Variants in ADGRB1 observed in about 807,000 individuals in gnomAD.
ADGRB1 encodes the protein brain-specific angiogenesis inhibitor 1.
A neutral mutation model predicts 175.7 loss-of-function variants in ADGRB1; 36 were observed. That is an observed-to-expected ratio of 0.20 (90% CI 0.16 to 0.27). The LOEUF (loss-of-function observed/expected upper bound fraction) is 0.27. Among genes scored for constraint, ADGRB1 ranks in the 10% least tolerant of loss-of-function variants. The pLI is 1.00. For synonymous variants in ADGRB1, 1,054 were observed against 979.4 expected (o/e 1.08, Z -1.42); for missense variants, 1,731 against 2,255.3 (o/e 0.77, Z 4.71).
At chr8:142,526,517 A>ACCCCCCCCCCCC in intron 23 of ADGRB1, 25 bp from the exon 24 acceptor site, 1 of 732,980 alleles carries the variant, frequency 1.4e-6, no homozygotes, top group South Asian at 1.7e-5. Flanking sequence ...CCACCCCCAC[A>ACCCCCCCCCCCC]CCCCCACCAC....
rs1186866327 is a variant in ADGRB1, at chr8:142,543,013, ATGT to A, written c.4413+371_4413+373del. 3.3e-5 allele frequency among the ~76,000 whole-genome samples: 5 copies of A among 152,034 alleles called. No individual in the cohort carries two copies. Among genetic ancestry groups the A allele is most frequent in the Non-Finnish European group, 7.4e-5 (5 of 67,972 alleles). Reference sequence around the variant, plus strand: ...GACCCAGCCTCAGTCAGCCTGTAGGATGTTGTTTTTGGGGGAGCCCGTCCCCAC... The same window carrying A: ...GACCCAGCCTCAGTCAGCCTGTAGGATGTTTTTGGGGGAGCCCGTCCCCAC... On this transcript the variant is annotated intron_variant, in intron 28 of 30. Transcript: ENST00000517894. This position sits in a 1 kb window ranked among gnomAD's most constrained non-coding sequence, Gnocchi z 4.4.
At position 142,542,558 on chromosome 8, in the gene ADGRB1, C is replaced by A; in HGVS notation, c.4324C>A (p.Pro1442Thr). The A allele has an allele frequency of 7.9e-6, 12 of 1,517,218 alleles. No homozygotes were observed. Among genetic ancestry groups the A allele is most frequent in the Non-Finnish European group, 9.7e-6 (11 of 1,131,284 alleles). The allele number at this position is 1,517,218 out of a possible 1,614,324, so 94.0% of individuals were successfully genotyped here. Reference protein sequence around the residue: ...LEPAPPSLGDPGEPAAHPGPS... With the variant: ...LEPAPPSLGDTGEPAAHPGPS... Reference sequence around the variant, plus strand: ...GCCGGCACCCCCCAGCCTGGGGGATCCCGGGGAGCCTGCCGCCCATCCGGG... The same window carrying A: ...GCCGGCACCCCCCAGCCTGGGGGATACCGGGGAGCCTGCCGCCCATCCGGG... The change falls in exon 28 of 31, where the codon CCC becomes ACC. Residue 1442 changes from proline to threonine, a missense_variant. Physicochemically the swap from Pro to Thr is conservative, Grantham distance 38 (BLOSUM62 -1). This residue lies in a region of ADGRB1 where 394 missense variants were observed against 410.2 expected (regional missense o/e 0.96). Coordinates refer to ENST00000517894, the MANE Select transcript of ADGRB1 (RefSeq NM_001702.3). This position sits in a 1 kb window ranked among gnomAD's most constrained non-coding sequence, Gnocchi z 6.3.
intron 11 of ADGRB1, among the ~76,000 whole-genome samples, chr8:142,482,179 G>C (rs376562052): frequency 1.5e-5 from 2 of 129,392 alleles, no homozygotes; most frequent in South Asian, 4.9e-4. Context: ...CCTGACCCTG[G>C]TCACACTGAG....
At chr8:142,516,121 G>A (rs1240003545) in intron 18 of ADGRB1, among the ~76,000 whole-genome samples, 1 of 152,186 alleles carries the variant, frequency 6.6e-6, no homozygotes. Context: ...AGTGCCAGGT[G>A]TGGGGGGCGT....
At chr8:142,496,436 A>G (rs957438287) in intron 17 of ADGRB1, among the ~76,000 whole-genome samples, 7 of 152,146 alleles carry the variant, frequency 4.6e-5, no homozygotes, top group Non-Finnish European at 7.4e-5. Flanking sequence ...GGCTGGATAC[A>G]TGAGTGGATG....
In ADGRB1 at chr8:142,497,383, G is replaced by T. The variant is rs570554877; in HGVS notation, c.2675+6568G>T. 1.2e-3 allele frequency among the ~76,000 whole-genome samples: 189 copies of T among 152,276 alleles called. 4 individuals carry two copies. The East Asian group carries it at 0.025, about 20-fold the overall frequency. On this transcript the variant is annotated intron_variant, in intron 17 of 30. Coordinates refer to ENST00000517894, the MANE Select transcript of ADGRB1 (RefSeq NM_001702.3). ...GAGGGCAGTGAGGGGGCAGGCCAAG[G>T]GGGGGGAAGCGGAAGGAAGACTTGG...
intron 1 of ADGRB1, among the ~76,000 whole-genome samples, chr8:142,457,464 G>T (rs1483658298): frequency 1.3e-5 from 2 of 152,328 alleles, no homozygotes; most frequent in East Asian, 3.9e-4. Context: ...GGGCACCCCT[G>T]TGCCCAGGCA....
chr8:142,471,448 G>C (rs1037280868), intron 2 of ADGRB1, among the ~76,000 whole-genome samples: 1 of 152,252 alleles, frequency 6.6e-6, no homozygotes, highest in Admixed American at 6.5e-5. Flanking sequence ...CAAGGTCTCC[G>C]GGATGGGCCC....
chr8:142,502,405 G>GTGGTGATGGTGGTGA (rs1842641279), intron 17 of ADGRB1, among the ~76,000 whole-genome samples: 2 of 83,114 alleles, frequency 2.4e-5, no homozygotes, highest in East Asian at 3.9e-4. Flanking sequence ...GGTGATGGTG[G>GTGGTGATGGTGGTGA]TGGTGGTGGT....
intron 2 of ADGRB1, among the ~76,000 whole-genome samples, chr8:142,471,977 G>A (rs1384768997): frequency 2.0e-5 from 3 of 152,238 alleles, no homozygotes; most frequent in Non-Finnish European, 2.9e-5. Flanking sequence ...GTCATCCCTC[G>A]GACACGCTGT....
chr8:142,515,679 T>C (rs1843375087), intron 18 of ADGRB1, among the ~76,000 whole-genome samples: 1 of 151,618 alleles, frequency 6.6e-6, no homozygotes, highest in Non-Finnish European at 1.5e-5. Context: ...GCCCTGGACC[T>C]CAGCTCTGCG....
chr8:142,484,260 G>C (rs1841541145), intron 12 of ADGRB1, among the ~76,000 whole-genome samples: 1 of 152,236 alleles, frequency 6.6e-6, no homozygotes, highest in Non-Finnish European at 1.5e-5. Context: ...ATTTCCTGGG[G>C]CTCAGTGAGG....
intron 1 of ADGRB1, among the ~76,000 whole-genome samples, chr8:142,452,668 T>G (rs912654918): frequency 6.6e-6 from 1 of 152,162 alleles, no homozygotes; most frequent in Non-Finnish European, 1.5e-5. Context: ...CGAGACCATC[T>G]GCGCTTGCGG....
chr8:142,544,419 C>T lies in ADGRB1; in HGVS notation c.*2C>T, dbSNP rs548595265. The T allele has an allele frequency of 3.3e-5, 48 of 1,472,572 alleles. No individual in the cohort carries two copies. The highest frequency in any genetic ancestry group is 4.3e-4 in the Middle Eastern group (2 of 4,634). The allele number at this position is 1,472,572 out of a possible 1,614,324, so 91.2% of individuals were successfully genotyped here. Reference sequence around the variant, plus strand: ...ATCGACCTCCAGACCGAGGTCTGAGCGGGTGGGCGGCGGCCACGCACTGGG... The same window carrying T: ...ATCGACCTCCAGACCGAGGTCTGAGTGGGTGGGCGGCGGCCACGCACTGGG... On this transcript the variant is annotated 3_prime_UTR_variant, in exon 31 of 31. Transcript: ENST00000517894.
chr8:142,526,412 AGGCAC>A, intron 23 of ADGRB1, 125 bp from the exon 24 acceptor site: 2 of 788,212 alleles, frequency 2.5e-6, no homozygotes, highest in Non-Finnish European at 4.3e-6. Flanking sequence ...CCTGTGATGG[AGGCAC>A]GGGAGGTGAC....
At chr8:142,452,307 G>T (rs1003866084) in intron 1 of ADGRB1, among the ~76,000 whole-genome samples, 1 of 152,198 alleles carries the variant, frequency 6.6e-6, no homozygotes, top group South Asian at 2.1e-4. Flanking sequence ...CGCTGCGCTG[G>T]GGGGCTCGAG....
intron 17 of ADGRB1, among the ~76,000 whole-genome samples, chr8:142,491,629 G>A (rs945894859): frequency 5.9e-5 from 9 of 152,204 alleles, no homozygotes; most frequent in African/African-American, 1.9e-4. Context: ...GTGTGTGGTC[G>A]GGGACCTGGG....
intron 25 of ADGRB1, 77 bp from the exon 26 acceptor site, chr8:142,536,910 G>T: frequency 7.8e-7 from 1 of 1,278,224 alleles, no homozygotes; most frequent in South Asian, 1.4e-5. Flanking sequence ...CCCCCCACAG[G>T]TGCTGCTCAT....
chr8:142,471,648 G>T (rs938733580), intron 2 of ADGRB1, among the ~76,000 whole-genome samples: 1 of 152,232 alleles, frequency 6.6e-6, no homozygotes, highest in East Asian at 1.9e-4. Flanking sequence ...GACAGGTTTC[G>T]GGGAGCCCCG....
Sources: allele counts gnomAD v4.1 joint callset (sites outside exome capture counted in the v4.1 genomes callset), GRCh38; gene constraint gnomAD v4.1.1; regional missense constraint gnomAD v4.1.1; non-coding constraint Gnocchi (gnomAD v3.1); transcripts MANE v1.5; gene names NCBI Gene and HGNC (gene_info 2026-07-23, HGNC 2026-07-21).